The following FGF14 variants were observed in gnomAD, a reference collection of about 807,000 sequenced individuals.
FGF14 encodes the protein fibroblast growth factor 14.
In FGF14, 5 loss-of-function variants were observed where a neutral mutation model predicts 25.5. That is an observed-to-expected ratio of 0.20 (90% CI 0.10 to 0.41). The LOEUF (loss-of-function observed/expected upper bound fraction) is 0.41, where lower values mean the gene tolerates loss of function less well. FGF14 is among the 10% of genes least tolerant of loss of function. The pLI is 1.00. For missense variants in FGF14, 222 were observed against 320.1 expected (o/e 0.69, Z 2.34); for synonymous variants, 138 against 118.3 (o/e 1.17, Z -1.08).
chr13:102,248,235 A>G (rs2051984185), intron 1 of FGF14, among the ~76,000 whole-genome samples: 1 of 152,100 alleles, frequency 6.6e-6, no homozygotes, highest in South Asian at 2.1e-4. Context: ...GTACCCTTGA[A>G]CCTAAAATAA....
intron 1 of FGF14, among the ~76,000 whole-genome samples, chr13:102,232,817 T>C (rs2051143166): frequency 6.6e-6 from 1 of 152,248 alleles, no homozygotes. Flanking sequence ...TAGATGAGTA[T>C]TAGAAAACCC....
intron 1 of FGF14, among the ~76,000 whole-genome samples, chr13:102,316,729 T>C (rs1249772557): frequency 6.6e-6 from 1 of 152,190 alleles, no homozygotes; most frequent in Non-Finnish European, 1.5e-5. Context: ...ACCTTTTTGT[T>C]CAGATGTCCT....
At chr13:102,380,005 C>T (rs1176395738) in intron 1 of FGF14, among the ~76,000 whole-genome samples, 1 of 152,108 alleles carries the variant, frequency 6.6e-6, no homozygotes, top group Non-Finnish European at 1.5e-5. Flanking sequence ...GTGAGTGAGG[C>T]TCTGAGTTTA....
chr13:101,985,012 A>G lies in FGF14; in HGVS notation c.209-109716T>C, dbSNP rs1477796909. ...ACCTAAAATGTGAAAAAATAGCTAC[A>G]TCATAAAACCATATAGATTGTCATG... On this transcript the variant is annotated intron_variant, in intron 1 of 4. Coordinates refer to the FGF14 transcript ENST00000376131. 2.6e-5 allele frequency among the ~76,000 whole-genome samples: 4 copies of G among 151,914 alleles called. No homozygotes were observed. In the South Asian group the frequency reaches 6.2e-4, roughly 24 times the overall value.
intron 3 of FGF14, among the ~76,000 whole-genome samples, chr13:101,766,786 A>AAC (rs1357950538): frequency 1.3e-5 from 2 of 152,204 alleles, no homozygotes; most frequent in Admixed American, 6.5e-5. Context: ...ATGGGGCAAA[A>AAC]ACACACACAC....
At chr13:102,132,297 A>G (rs1051005847) in intron 1 of FGF14, among the ~76,000 whole-genome samples, 27 of 152,126 alleles carry the variant, frequency 1.8e-4, no homozygotes, top group African/African-American at 6.3e-4. Flanking sequence ...AATACAAAAT[A>G]TTTTCTACCA....
intron 1 of FGF14, among the ~76,000 whole-genome samples, chr13:102,338,067 A>T (rs982255163): frequency 6.6e-6 from 1 of 152,080 alleles, no homozygotes; most frequent in Non-Finnish European, 1.5e-5. Context: ...GTTGAAAAAC[A>T]TGGTAATATT....
rs540576702 is a variant in FGF14, at chr13:102,273,231, A to G, written c.208+128240T>C. Among the ~76,000 whole-genome samples the G allele has an allele frequency of 3.9e-4, 60 of 152,378 alleles. No homozygotes were observed. The South Asian group carries it at 0.012, about 30-fold the overall frequency. On this transcript the variant is annotated intron_variant, in intron 1 of 4. Transcript: ENST00000376131. The stretch of plus-strand genomic sequence containing the variant: ...CTTTTGGACAGGGACACTAAAAAAT[A>G]GACCTAACCTAGTTAATAATAGCAA...
intron 1 of FGF14, among the ~76,000 whole-genome samples, chr13:102,189,042 GAGAA>G (rs2049016952): frequency 1.6e-5 from 1 of 64,050 alleles, no homozygotes; most frequent in Non-Finnish European, 3.5e-5. Flanking sequence ...AAGAAAGAAA[GAGAA>G]AGAATGAAAG....
In FGF14 at chr13:101,726,770, A is replaced by T. The variant is rs1247731556; in HGVS notation, c.449T>A (p.Phe150Tyr). 6.2e-7 allele frequency: 1 copy of T among 1,612,566 alleles called. No individual in the cohort carries two copies. The highest frequency in any genetic ancestry group is 8.5e-7 in the Non-Finnish European group (1 of 1,179,286). The change falls in exon 4 of 5, where the codon TTT (phenylalanine) becomes TAT (tyrosine). Residue 150 changes from phenylalanine (F) to tyrosine (Y), a missense_variant. Physicochemically the swap from Phe to Tyr is conservative, Grantham distance 22. Coordinates refer to ENST00000376143, the MANE Select transcript of FGF14 (RefSeq NM_004115.4). The part of the protein sequence containing the change: ...TPECKFKESV[F>Y]ENYYVIYSSM... ...TGAGTAGATTACATAATAATTTTCA[A>T]AAACAGATTCTTTAAACTTGCATTC...
chr13:102,168,163 G>T (rs2048098923), intron 1 of FGF14, among the ~76,000 whole-genome samples: 1 of 152,030 alleles, frequency 6.6e-6, no homozygotes, highest in Non-Finnish European at 1.5e-5. Context: ...AGTTTGCATA[G>T]TGCTGCTGAT....
chr13:101,897,720 C>G (rs2030910557), intron 1 of FGF14, among the ~76,000 whole-genome samples: 1 of 151,960 alleles, frequency 6.6e-6, no homozygotes, highest in South Asian at 2.1e-4. Context: ...AAAGAATAAC[C>G]CAATTTTTAC....
At chr13:101,971,727 A>T (rs577612565) in intron 1 of FGF14, among the ~76,000 whole-genome samples, 16 of 152,362 alleles carry the variant, frequency 1.1e-4, no homozygotes, top group African/African-American at 3.8e-4. Flanking sequence ...TGAGAGAAAT[A>T]GGACCCAGAG....
rs745959831 is a variant in FGF14 at position 102,211,814 on chromosome 13, G to T, written c.208+189657C>A. ...GAATAATTTGCCAAACAGAGCAGAG[G>T]AGCTGGGCAAGCACTCTAGATCGCT... On this transcript the variant is annotated intron_variant, in intron 1 of 4. Coordinates refer to the FGF14 transcript ENST00000376131. 2.0e-5 allele frequency among the ~76,000 whole-genome samples: 3 copies of T among 152,160 alleles called. No homozygotes were observed. The South Asian group carries it at 6.2e-4, about 32-fold the overall frequency.
At chr13:102,317,647 G>A (rs1362144259) in intron 1 of FGF14, among the ~76,000 whole-genome samples, 1 of 152,096 alleles carries the variant, frequency 6.6e-6, no homozygotes, top group Non-Finnish European at 1.5e-5. Context: ...TGAGAGGCTT[G>A]AGTAAGCTGA....
At chr13:101,804,549 TC>T (rs1242696615) in intron 3 of FGF14, among the ~76,000 whole-genome samples, 1 of 152,108 alleles carries the variant, frequency 6.6e-6, no homozygotes, top group Non-Finnish European at 1.5e-5. Flanking sequence ...CTTATAAGCA[TC>T]TGCACTTAAA....
At chr13:102,139,276 T>G (rs898777702) in intron 1 of FGF14, among the ~76,000 whole-genome samples, 2 of 152,060 alleles carry the variant, frequency 1.3e-5, no homozygotes, top group African/African-American at 2.4e-5. Context: ...AGCACGTGCC[T>G]GTAATCCCAG....
intron 1 of FGF14, among the ~76,000 whole-genome samples, chr13:102,361,306 T>C (rs1039281952): frequency 5.9e-5 from 9 of 152,106 alleles, no homozygotes; most frequent in African/African-American, 1.9e-4. Flanking sequence ...CAGAATATTA[T>C]TCACCTGAAG....
chr13:102,136,285 C>G (rs1186014287), intron 1 of FGF14, among the ~76,000 whole-genome samples: 1 of 152,044 alleles, frequency 6.6e-6, no homozygotes, highest in Non-Finnish European at 1.5e-5. Context: ...ACCCTTACAG[C>G]AATCCTGTGA....
Sources: gnomAD v4.1 joint callset for allele counts (sites outside exome capture counted in the v4.1 genomes callset) on GRCh38, gnomAD v4.1.1 for gene constraint, MANE v1.5 for transcripts, NCBI Gene and HGNC (gene_info 2026-07-23, HGNC 2026-07-21) for gene names.